Variants in PRIMA1 observed in about 807,000 individuals in gnomAD.
The protein encoded by PRIMA1 is proline rich membrane anchor 1.
A neutral mutation model predicts 17.5 loss-of-function variants in PRIMA1; 7 were observed. The observed-to-expected ratio is 0.40, with a 90% CI of 0.23 to 0.75. The LOEUF (loss-of-function observed/expected upper bound fraction) is 0.75. Ranked by LOEUF, PRIMA1 falls within the 30% of genes least tolerant of loss-of-function variation. The pLI is 0.37. For missense variants in PRIMA1, 200 were observed against 201.8 expected (o/e 0.99, Z 0.05); for synonymous variants, 97 against 77.9 (o/e 1.25, Z -1.29).
rs995618195 is a variant in PRIMA1 at position 93,726,944 on chromosome 14, C to T, written c.360-5398G>A. Reference sequence around the variant, plus strand: ...ACCTACAGACATATATCCCCACACTCATATACACACACACTCAGCGTTCCA... The same window carrying T: ...ACCTACAGACATATATCCCCACACTTATATACACACACACTCAGCGTTCCA... On this transcript the variant is annotated intron_variant, in intron 4 of 4. Coordinates refer to ENST00000393140, the MANE Select transcript of PRIMA1 (RefSeq NM_178013.4). This position sits in a 1 kb window ranked among gnomAD's most constrained non-coding sequence, Gnocchi z 4.2. 6.6e-6 allele frequency among the ~76,000 whole-genome samples: 1 copy of T among 152,212 alleles called. No homozygotes were observed. Among genetic ancestry groups the T allele is most frequent in the Non-Finnish European group, 1.5e-5 (1 of 68,036 alleles).
intron 3 of PRIMA1, among the ~76,000 whole-genome samples, chr14:93,752,215 C>T (rs1370047549): frequency 6.6e-6 from 1 of 152,188 alleles, no homozygotes; most frequent in Admixed American, 6.5e-5. Flanking sequence ...TCAGATCCCT[C>T]CCCCTCAAAC....
chr14:93,757,351 G>A (rs35944504), intron 3 of PRIMA1, among the ~76,000 whole-genome samples: 14 of 152,234 alleles, frequency 9.2e-5, no homozygotes, highest in African/African-American at 2.4e-4. Flanking sequence ...CGTTCCCTTC[G>A]GAGGGATGGG....
Position 93,748,058 on chromosome 14 carries a change from G to A in PRIMA1, c.230-10688C>T, listed in dbSNP as rs115741272. Among the ~76,000 whole-genome samples the A allele has an allele frequency of 9.9e-3, 1,463 of 147,178 alleles. 32 individuals carry two copies. The highest frequency in any genetic ancestry group is 0.035 in the African/African-American group (1,390 of 40,114). On this transcript the variant is annotated intron_variant, in intron 3 of 4. Transcript: ENST00000393140. ...TGTGGGAGTGTGTGAGTGTGTGTAT[G>A]TGAGTGTGAATGTGTATGTGTGTGA...
intron 3 of PRIMA1, among the ~76,000 whole-genome samples, chr14:93,771,173 T>C (rs1885054380): frequency 6.6e-6 from 1 of 152,202 alleles, no homozygotes; most frequent in Non-Finnish European, 1.5e-5. Context: ...TGTGTGTGCA[T>C]GTGGATGCAG....
chr14:93,769,437 C>T (rs980150437), intron 3 of PRIMA1, among the ~76,000 whole-genome samples: 10 of 152,192 alleles, frequency 6.6e-5, no homozygotes, highest in South Asian at 2.1e-4. Flanking sequence ...TAGCAAAAGA[C>T]GAGCATTCAA....
chr14:93,773,158 G>A (rs747961270), intron 3 of PRIMA1, among the ~76,000 whole-genome samples: 5 of 152,212 alleles, frequency 3.3e-5, no homozygotes, highest in South Asian at 4.1e-4. Flanking sequence ...GAGCCACTGC[G>A]CTACATAATA....
chr14:93,722,716 G>A (rs544430005), intron 4 of PRIMA1, among the ~76,000 whole-genome samples: 17 of 152,036 alleles, frequency 1.1e-4, no homozygotes, highest in Middle Eastern at 3.4e-3. Context: ...GGTGGTTAGC[G>A]TAATGGTTGT....
At chr14:93,778,997 C>T (rs1029374650) in intron 3 of PRIMA1, among the ~76,000 whole-genome samples, 179 bp downstream of exon 3, 4 of 151,968 alleles carry the variant, frequency 2.6e-5, no homozygotes, top group African/African-American at 9.7e-5. Flanking sequence ...CTTGCAGGAG[C>T]ACGCTGTGGG....
chr14:93,779,980 T>G (rs10132474), intron 2 of PRIMA1, among the ~76,000 whole-genome samples: 34,505 of 152,224 alleles, frequency 0.23, 4,645 homozygotes, highest in Middle Eastern at 0.31. Flanking sequence ...AAGACCCAGA[T>G]GCCACCCCAC....
rs1340623924 is a variant in PRIMA1 at position 93,720,501 on chromosome 14, C to T, written c.*943G>A. Reference sequence around the variant, plus strand: ...AGAGGGCCTGAGTACAACAGTCAGGCCTCAGGGGACTGTGGGGGACATCCA... The same window carrying T: ...AGAGGGCCTGAGTACAACAGTCAGGTCTCAGGGGACTGTGGGGGACATCCA... On this transcript the variant is annotated 3_prime_UTR_variant, in exon 5 of 5. Transcript: ENST00000393140. 4.6e-5 allele frequency: 7 copies of T among 152,820 alleles called. No homozygotes were observed. Among genetic ancestry groups the T allele is most frequent in the African/African-American group, 7.2e-5 (3 of 41,568 alleles). 9.5% of individuals were successfully genotyped at this position (152,820 alleles called of 1,614,324 possible). A position where few individuals can be genotyped will look rare whatever the true frequency, so the allele number is the denominator to read the frequency against.
At chr14:93,785,188 C>CAAAAAAAA (rs386382197) in intron 2 of PRIMA1, among the ~76,000 whole-genome samples, 3 of 110,066 alleles carry the variant, frequency 2.7e-5, no homozygotes, top group Non-Finnish European at 3.6e-5. Flanking sequence ...TCTTCTCTTT[C>CAAAAAAAA]AAAAAAAAAA....
rs777420844 is a variant in PRIMA1 at position 93,779,182 on chromosome 14, C to T, written c.223G>A (p.Ala75Thr). The T allele has an allele frequency of 1.8e-5, 19 of 1,048,626 alleles. No individual in the cohort carries two copies. Among genetic ancestry groups the T allele is most frequent in the African/African-American group, 1.6e-4 (5 of 31,536 alleles). The allele number at this position is 1,048,626 out of a possible 1,614,324, so 65.0% of individuals were successfully genotyped here. A position where few individuals can be genotyped will look rare whatever the true frequency, so the allele number is the denominator to read the frequency against. ...GGAGTGAGCCATTACTTACCTGGGG[C>T]GGAGAGGAGTCTGGGAGGTGGCGGG... is the stretch of plus-strand genomic sequence containing the variant. Reference protein sequence around the residue: ...PPPPPPRLLSAPAPNSTSCPT... With the variant: ...PPPPPPRLLSTPAPNSTSCPT... The change falls in exon 3 of 5, where the codon GCC (alanine) becomes ACC (threonine). Residue 75 changes from alanine (A) to threonine (T), a missense_variant. Physicochemically the swap from Ala to Thr is moderately conservative, Grantham distance 58. Coordinates refer to ENST00000393140, the MANE Select transcript of PRIMA1 (RefSeq NM_178013.4).
chr14:93,739,211 C>G (rs1404674216), intron 3 of PRIMA1, among the ~76,000 whole-genome samples: 2 of 152,096 alleles, frequency 1.3e-5, no homozygotes, highest in Non-Finnish European at 2.9e-5. Flanking sequence ...CGCCACCATG[C>G]CCAGCTAATT....
chr14:93,745,351 C>T (rs1244262623), intron 3 of PRIMA1, among the ~76,000 whole-genome samples: 1 of 152,222 alleles, frequency 6.6e-6, no homozygotes, highest in Non-Finnish European at 1.5e-5. Context: ...CTGGACTCTT[C>T]GCTGAGCTTC....
At chr14:93,787,983 C>T (rs1273386388) in intron 1 of PRIMA1, among the ~76,000 whole-genome samples, 2 of 152,192 alleles carry the variant, frequency 1.3e-5, no homozygotes, top group Admixed American at 1.3e-4. Context: ...ACTTTAGCTC[C>T]GCGCACAGCT....
rs1257094069 is a variant in PRIMA1, at chr14:93,787,705, T to C, written c.14A>G (p.Asp5Gly). 4 of 1,544,058 alleles carry C rather than the reference T, an allele frequency of 2.6e-6. No individual in the cohort carries two copies. The highest frequency in any genetic ancestry group is 3.5e-6 in the Non-Finnish European group (4 of 1,146,612). MLLR[D>G]LVLRRGCCWS... ...GCAGCAGCCACGGCGCAGCACCAAG[T>C]CCCGGAGGAGCATCTCGGCCAGCGG... The change falls in exon 2 of 5, where the codon GAC (aspartate) becomes GGC (glycine). Residue 5 changes from aspartate (D) to glycine (G), a missense_variant. Asp to Gly is a moderately conservative substitution (Grantham distance 94). Coordinates refer to ENST00000393140, the MANE Select transcript of PRIMA1 (RefSeq NM_178013.4).
chr14:93,725,766 G>T (rs2076071472), intron 4 of PRIMA1: 2 of 358,642 alleles, frequency 5.6e-6, no homozygotes, highest in Non-Finnish European at 1.1e-5. Context: ...CTGGGGAAAA[G>T]GTGTCACCAG....
intron 3 of PRIMA1, among the ~76,000 whole-genome samples, chr14:93,764,436 C>T (rs1479191282): frequency 1.3e-5 from 2 of 151,892 alleles, no homozygotes; most frequent in Non-Finnish European, 2.9e-5. Context: ...TGCCCCCCCG[C>T]CCCCAAAGCT....
chr14:93,787,491 G>T, intron 2 of PRIMA1, 135 bp downstream of exon 2: 2 of 1,289,528 alleles, frequency 1.6e-6, no homozygotes, highest in South Asian at 1.3e-5. Context: ...GACCGTAGCA[G>T]CTTTTCTTTT....
Sources: gnomAD v4.1 joint callset for allele counts (sites outside exome capture counted in the v4.1 genomes callset) on GRCh38, gnomAD v4.1.1 for gene constraint, Gnocchi (gnomAD v3.1) non-coding constraint, MANE v1.5 for transcripts, NCBI Gene and HGNC (gene_info 2026-07-23, HGNC 2026-07-21) for gene names.